DTL: variants seen among roughly 807,000 people sequenced by gnomAD.
DTL encodes the protein denticleless protein homolog.
A neutral mutation model predicts 87.0 loss-of-function variants in DTL; 46 were observed. The ratio of observed to expected loss-of-function variants is 0.53; its 90% confidence interval spans 0.42 to 0.68. The LOEUF (loss-of-function observed/expected upper bound fraction) is 0.68. Among genes scored for constraint, DTL ranks in the 30% least tolerant of loss-of-function variants. The probability of loss-of-function intolerance (pLI) is 0.00; values close to 1 mark genes in which losing one functional copy is unlikely to be tolerated. For missense variants in DTL, 737 were observed against 869.4 expected (o/e 0.85, Z 1.91); for synonymous variants, 308 against 311.2 (o/e 0.99, Z 0.11).
intron 1 of DTL, among the ~76,000 whole-genome samples, chr1:212,041,397 T>A (rs1198117073): frequency 2.6e-5 from 4 of 151,462 alleles, no homozygotes; most frequent in African/African-American, 4.9e-5. Context: ...TTTTTTTTTT[T>A]AATTCCAAAA....
chr1:212,076,214 G>A (rs1654825009), intron 11 of DTL, among the ~76,000 whole-genome samples: 1 of 152,124 alleles, frequency 6.6e-6, no homozygotes, highest in Admixed American at 6.5e-5. Context: ...ATTCTCCTGG[G>A]AGTGTAGGAA....
intron 11 of DTL, 35 bp from the exon 12 acceptor site, chr1:212,078,138 T>A (rs765300259): frequency 2.3e-6 from 3 of 1,293,372 alleles, no homozygotes; most frequent in Non-Finnish European, 3.4e-6. Context: ...AATCTAATAT[T>A]GCTTTGCTGA....
chr1:212,091,806 CT>C (rs1655290702), intron 13 of DTL, among the ~76,000 whole-genome samples: 1 of 152,144 alleles, frequency 6.6e-6, no homozygotes, highest in Non-Finnish European at 1.5e-5. Flanking sequence ...TTTAAATGTT[CT>C]TACCACAAAA....
chr1:212,068,465 T>C (rs1654576037), intron 9 of DTL, 134 bp from the exon 10 acceptor site: 16 of 835,580 alleles, frequency 1.9e-5, no homozygotes, highest in Non-Finnish European at 3.0e-5. Flanking sequence ...AGAATGTTTT[T>C]GGTTTGTGTA....
chr1:212,041,932 A>T (rs1667663105), intron 1 of DTL, among the ~76,000 whole-genome samples: 1 of 152,146 alleles, frequency 6.6e-6, no homozygotes, highest in Admixed American at 6.5e-5. Context: ...CCTTCTGTTG[A>T]TTCATTCAGA....
chr1:212,045,449 A>T (rs1019595022), intron 3 of DTL, among the ~76,000 whole-genome samples: 3 of 152,256 alleles, frequency 2.0e-5, no homozygotes, highest in Non-Finnish European at 4.4e-5. Context: ...GTTGCTTTAA[A>T]ATACTTATAT....
chr1:212,087,677 C>T (rs570905904), intron 13 of DTL, among the ~76,000 whole-genome samples: 1 of 152,282 alleles, frequency 6.6e-6, no homozygotes, highest in African/African-American at 2.4e-5. Context: ...GAAGCAACAA[C>T]CTGACACGGG....
rs756328781 is a variant in DTL at position 212,054,792 on chromosome 1, C to CAAA, written c.460+7394_460+7396dup. Among the ~76,000 whole-genome samples, 302 of 68,008 alleles carry CAAA rather than the reference C, an allele frequency of 4.4e-3. 4 individuals are homozygous for CAAA. The highest frequency in any genetic ancestry group is 9.7e-3 in the East Asian group (21 of 2,162). 44.6% of individuals were successfully genotyped at this position (68,008 alleles called of 152,430 possible). A position where few individuals can be genotyped will look rare whatever the true frequency, so the allele number is the denominator to read the frequency against. On this transcript the variant is annotated intron_variant, in intron 5 of 14. Coordinates refer to ENST00000366991, the MANE Select transcript of DTL (RefSeq NM_016448.4). ...CCTGGGTGACAACGAGACACCACCT[C>CAAA]AAAAAAAAAAAAAAAAAAAAAGGAG...
At chr1:212,093,737 G>A (rs962460606) in intron 13 of DTL, among the ~76,000 whole-genome samples, 2 of 152,200 alleles carry the variant, frequency 1.3e-5, no homozygotes, top group African/African-American at 4.8e-5. Context: ...CAGCCACCAT[G>A]TGTTCCTGCT....
At chr1:212,093,524 T>C (rs896815593) in intron 13 of DTL, among the ~76,000 whole-genome samples, 6 of 152,186 alleles carry the variant, frequency 3.9e-5, no homozygotes, top group African/African-American at 1.4e-4. Flanking sequence ...GGGAAATGGC[T>C]TTCCCCTGGA....
At chr1:212,060,762 A>T (rs7522330) in intron 5 of DTL, among the ~76,000 whole-genome samples, 57,942 of 150,158 alleles carry the variant, frequency 0.39, 11,614 homozygotes, top group East Asian at 0.59. Context: ...ATCAAGATGG[A>T]GTATAAAGAC....
intron 6 of DTL, among the ~76,000 whole-genome samples, chr1:212,063,895 GT>G (rs36083602): frequency 0.012 from 1,636 of 138,698 alleles, 25 homozygotes; most frequent in African/African-American, 0.039. Flanking sequence ...TTTGTTTCTT[GT>G]TTTTTTTTTT....
At chr1:212,042,575 C>G (rs1405345509) in intron 1 of DTL, among the ~76,000 whole-genome samples, 1 of 152,154 alleles carries the variant, frequency 6.6e-6, no homozygotes, top group Non-Finnish European at 1.5e-5. Flanking sequence ...ATATTATTTT[C>G]TTTGGCTCTT....
intron 1 of DTL, among the ~76,000 whole-genome samples, chr1:212,038,441 A>C (rs996811821): frequency 1.3e-5 from 2 of 152,206 alleles, no homozygotes; most frequent in Non-Finnish European, 2.9e-5. Flanking sequence ...CCAATTTTAG[A>C]GAGTGGCCTC....
At chr1:212,038,960 C>CCT (rs1667562701) in intron 1 of DTL, among the ~76,000 whole-genome samples, 1 of 152,078 alleles carries the variant, frequency 6.6e-6, no homozygotes, top group South Asian at 2.1e-4. Context: ...AATACAAACT[C>CCT]CTCTTTATCT....
chr1:212,083,634 T>TCAAAAAAC (rs1655046830), intron 13 of DTL, among the ~76,000 whole-genome samples: 1 of 150,932 alleles, frequency 6.6e-6, no homozygotes, highest in Non-Finnish European at 1.5e-5. Flanking sequence ...AAGAAGGAGG[T>TCAAAAAAC]CAAAAAACTG....
At chr1:212,041,574 C>T (rs928480289) in intron 1 of DTL, among the ~76,000 whole-genome samples, 3 of 151,926 alleles carry the variant, frequency 2.0e-5, no homozygotes, top group African/African-American at 7.3e-5. Context: ...GGCGAGGTCT[C>T]AGCTCGCGGC....
chr1:212,065,956 T>G (rs1423180582), intron 7 of DTL, among the ~76,000 whole-genome samples: 1 of 152,114 alleles, frequency 6.6e-6, no homozygotes, highest in Non-Finnish European at 1.5e-5. Context: ...CCTCCCAAAG[T>G]GCTGGGATTA....
chr1:212,064,923 T>G lies in DTL; in HGVS notation c.533T>G (p.Phe178Cys). ...WDTRCNKKDG[F>C]YRQVNQISGA... is the part of the protein sequence containing the mutation. Reference sequence around the variant, plus strand: ...TCCTTGGAATATCTTTCAGATGGGTTTTATAGGCAAGTGAATCAAATCAGT... The same window carrying G: ...TCCTTGGAATATCTTTCAGATGGGTGTTATAGGCAAGTGAATCAAATCAGT... The change falls in exon 7 of 15, where the codon TTT (phenylalanine) becomes TGT (cysteine). Residue 178 changes from phenylalanine to cysteine, a missense_variant. Phe to Cys is a radical substitution (Grantham distance 205). Transcript: ENST00000366991. 1 of 1,613,656 alleles carries G rather than the reference T, an allele frequency of 6.2e-7. No homozygotes were observed. The highest frequency in any genetic ancestry group is 8.5e-7 in the Non-Finnish European group (1 of 1,179,618).
Sources: gnomAD v4.1 joint callset for allele counts (sites outside exome capture counted in the v4.1 genomes callset) on GRCh38, gnomAD v4.1.1 for gene constraint, MANE v1.5 for transcripts, NCBI Gene and HGNC (gene_info 2026-07-23, HGNC 2026-07-21) for gene names.